Variants in PHACTR4 observed in about 807,000 individuals in gnomAD.
PHACTR4 encodes phosphatase and actin regulator 4, also known as protein phosphatase 1, regulatory subunit 124.
PHACTR4 carries 51 observed loss-of-function variants against 72.7 expected under a neutral mutation model. The ratio of observed to expected loss-of-function variants is 0.70; its 90% confidence interval spans 0.56 to 0.89. The LOEUF (loss-of-function observed/expected upper bound fraction) is 0.89. PHACTR4 is among the 40% of genes least tolerant of loss of function. The pLI is 0.00. For missense variants in PHACTR4, 731 were observed against 861.8 expected (o/e 0.85, Z 1.90); for synonymous variants, 255 against 302.5 (o/e 0.84, Z 1.63).
chr1:28,482,375 A>G (rs1660335394), intron 9 of PHACTR4, among the ~76,000 whole-genome samples: 1 of 152,188 alleles, frequency 6.6e-6, no homozygotes, highest in Non-Finnish European at 1.5e-5. Flanking sequence ...TCTGTTTCAT[A>G]TGTTCCGTGT....
chr1:28,460,283 C>G lies in PHACTR4; in HGVS notation c.262C>G (p.Pro88Ala). 6.2e-7 allele frequency: 1 copy of G among 1,612,368 alleles called. No homozygotes were observed. Among genetic ancestry groups the G allele is most frequent in the South Asian group, 1.1e-5 (1 of 90,932 alleles). ...LVKRGVLLED[P>A]EQGGEDPGKP... ...TAAAAGAGGGGTTCTGTTGGAAGAC[C>G]CTGAGCAAGGTGAGTTTACAAATAA... The change falls in exon 4 of 14, where the codon CCT (proline) becomes GCT (alanine). Residue 88 changes from proline to alanine, a missense_variant. Physicochemically the swap from Pro to Ala is conservative, Grantham distance 27. Transcript: ENST00000373839.
intron 10 of PHACTR4, among the ~76,000 whole-genome samples, chr1:28,490,621 G>A (rs909550860): frequency 1.3e-5 from 2 of 151,962 alleles, no homozygotes; most frequent in Non-Finnish European, 2.9e-5. Context: ...CGAGGCGGGT[G>A]GATCACCTGA....
At chr1:28,381,987 C>T (rs1652209081) in intron 1 of PHACTR4, among the ~76,000 whole-genome samples, 4 of 151,972 alleles carry the variant, frequency 2.6e-5, no homozygotes, top group South Asian at 4.2e-4. Context: ...AGGCTGGTCT[C>T]GAACTCCTGG....
At chr1:28,389,513 C>G (rs1374891002) in intron 1 of PHACTR4, among the ~76,000 whole-genome samples, 1 of 143,184 alleles carries the variant, frequency 7.0e-6, no homozygotes, top group African/African-American at 2.6e-5. Context: ...CAGTCTCGCT[C>G]TGTTGCCAGG....
chr1:28,486,486 T>C (rs1660651194), intron 9 of PHACTR4, among the ~76,000 whole-genome samples: 1 of 152,212 alleles, frequency 6.6e-6, no homozygotes, highest in South Asian at 2.1e-4. Context: ...GTTGTACATA[T>C]TTACAGTATT....
chr1:28,460,336 G>T, intron 4 of PHACTR4, 44 bp downstream of exon 4: 1 of 1,373,660 alleles, frequency 7.3e-7, no homozygotes. Flanking sequence ...CTGTGCACTT[G>T]GTCTTTGATT....
In PHACTR4 at chr1:28,400,147, C is replaced by T. The variant is rs1022678323; in HGVS notation, c.-38-7263C>T. Among the ~76,000 whole-genome samples, 3 of 152,030 alleles carry T rather than the reference C, an allele frequency of 2.0e-5. No individual in the cohort carries two copies. In the South Asian group the frequency reaches 6.2e-4, roughly 32 times the overall value. On this transcript the variant is annotated intron_variant, in intron 1 of 13. Transcript: ENST00000373839. ...CAGCACTTTGGGAGGCCAAGGTGGG[C>T]AGATCACTTGAGGTCAGGAGTTCAA... is the stretch of plus-strand genomic sequence containing the variant.
At chr1:28,440,458 T>C (rs1291763858) in intron 2 of PHACTR4, among the ~76,000 whole-genome samples, 1 of 123,590 alleles carries the variant, frequency 8.1e-6, no homozygotes, top group Non-Finnish European at 1.6e-5. Context: ...TGCAGTGGCT[T>C]GATCTCGGCT....
chr1:28,446,634 C>T (rs942425778), intron 2 of PHACTR4, among the ~76,000 whole-genome samples: 1 of 152,068 alleles, frequency 6.6e-6, no homozygotes, highest in African/African-American at 2.4e-5. Flanking sequence ...CAAAAATTAG[C>T]CGGGCATGGT....
chr1:28,422,819 A>T (rs1268534015), intron 2 of PHACTR4, among the ~76,000 whole-genome samples: 1 of 152,064 alleles, frequency 6.6e-6, no homozygotes, highest in Non-Finnish European at 1.5e-5. Flanking sequence ...ACAGAGTCTC[A>T]CTCTGTCGCC....
In PHACTR4 at chr1:28,496,615, G is replaced by A; in HGVS notation, c.*66G>A. On this transcript the variant is annotated 3_prime_UTR_variant, in exon 14 of 14. Transcript: ENST00000373839. Reference sequence around the variant, plus strand: ...GCTTCCTTCTCCAAAGTGACATATGGAGGGAACTTTAGCACTTCCCAGCAC... The same window carrying A: ...GCTTCCTTCTCCAAAGTGACATATGAAGGGAACTTTAGCACTTCCCAGCAC... 1 of 1,584,886 alleles carries A rather than the reference G, an allele frequency of 6.3e-7. No individual in the cohort carries two copies. Among genetic ancestry groups the A allele is most frequent in the Non-Finnish European group, 8.7e-7 (1 of 1,155,868 alleles).
intron 2 of PHACTR4, among the ~76,000 whole-genome samples, chr1:28,455,250 G>A (rs1238562814): frequency 1.5e-5 from 2 of 135,150 alleles, no homozygotes; most frequent in East Asian, 4.4e-4. Flanking sequence ...CCAGGCTGGA[G>A]TGCAGTGATG....
rs554509469 is a variant in PHACTR4 at position 28,480,678 on chromosome 1, G to GT, written c.1760+81dup. 32 of 1,568,550 alleles carry GT rather than the reference G, an allele frequency of 2.0e-5. No homozygotes were observed. In the East Asian group the frequency reaches 6.1e-4, roughly 30 times the overall value. On this transcript the variant is annotated intron_variant, in intron 9 of 13. Transcript: ENST00000373839. ...TGTGTTAGATGTTGTTAGATGTGTT[G>GT]TTTTTTTGTGTGTGTTTTGTTTCGT...
intron 8 of PHACTR4, among the ~76,000 whole-genome samples, chr1:28,478,213 G>T (rs1660044329): frequency 6.6e-6 from 1 of 152,068 alleles, no homozygotes; most frequent in African/African-American, 2.4e-5. Context: ...CATCCATTTT[G>T]TTGCACATAA....
At chr1:28,411,208 A>T (rs1654767989) in intron 2 of PHACTR4, among the ~76,000 whole-genome samples, 4 of 150,796 alleles carry the variant, frequency 2.7e-5, no homozygotes, top group Admixed American at 1.3e-4. Context: ...CACCACACCC[A>T]ACTAATTTTT....
intron 2 of PHACTR4, among the ~76,000 whole-genome samples, chr1:28,424,216 G>T (rs1430214250): frequency 5.3e-5 from 8 of 151,874 alleles, no homozygotes; most frequent in Non-Finnish European, 1.0e-4. Context: ...TTTTGAGGCA[G>T]GGTCTCACTC....
intron 1 of PHACTR4, among the ~76,000 whole-genome samples, chr1:28,404,054 T>C (rs1230749765): frequency 6.6e-6 from 1 of 152,140 alleles, no homozygotes; most frequent in Non-Finnish European, 1.5e-5. Context: ...TTTGTTTGTT[T>C]TGGGGGACGT....
intron 1 of PHACTR4, among the ~76,000 whole-genome samples, chr1:28,386,867 A>T (rs1652596118): frequency 1.3e-5 from 2 of 152,156 alleles, no homozygotes; most frequent in Non-Finnish European, 1.5e-5. Flanking sequence ...AGTGTTGATG[A>T]TGTGTATATT....
rs544429820 is a variant in PHACTR4, at chr1:28,409,128, T to C, written c.16+1665T>C. On this transcript the variant is annotated intron_variant, in intron 2 of 13. Transcript: ENST00000373839. ...TGGAACCCCTTTTCTTTCTTTCTTTTTTTTTTTTTTTTCCAAGACTGGATA... is the reference window on the plus strand; with the variant it reads ...TGGAACCCCTTTTCTTTCTTTCTTTCTTTTTTTTTTTTCCAAGACTGGATA... Among the ~76,000 whole-genome samples, 16 of 151,318 alleles carry C rather than the reference T, an allele frequency of 1.1e-4. No individual in the cohort carries two copies. In the East Asian group the frequency reaches 1.2e-3, roughly 11 times the overall value.
Sources: gnomAD v4.1 joint callset for allele counts (sites outside exome capture counted in the v4.1 genomes callset) on GRCh38, gnomAD v4.1.1 for gene constraint, MANE v1.5 for transcripts, NCBI Gene and HGNC (gene_info 2026-07-23, HGNC 2026-07-21) for gene names.